The following STOX2 variants were observed in gnomAD, a reference collection of about 807,000 sequenced individuals.
STOX2 encodes storkhead-box protein 2.
A neutral mutation model predicts 60.9 loss-of-function variants in STOX2; 28 were observed. The ratio of observed to expected loss-of-function variants is 0.46; its 90% CI spans 0.34 to 0.63. The LOEUF is 0.63. Ranked by LOEUF, STOX2 falls within the 30% of genes least tolerant of loss-of-function variation. The pLI is 0.01. For missense variants in STOX2, 1,024 were observed against 1,187.7 expected (o/e 0.86, Z 2.03); for synonymous variants, 472 against 463.9 (o/e 1.02, Z -0.22).
intron 1 of STOX2, among the ~76,000 whole-genome samples, chr4:183,997,430 A>G (rs1388115603): frequency 6.6e-6 from 1 of 152,228 alleles, no homozygotes; most frequent in African/African-American, 2.4e-5. Context: ...GGGCCCGTGT[A>G]GGCCTACCAA....
At chr4:183,980,175 A>T (rs1056396108) in intron 1 of STOX2, among the ~76,000 whole-genome samples, 1 of 152,180 alleles carries the variant, frequency 6.6e-6, no homozygotes, top group East Asian at 1.9e-4. Context: ...CTAGCTTTAT[A>T]AACAAAAATG....
chr4:183,799,793 C>A (rs534652305), intron 1 of STOX2, among the ~76,000 whole-genome samples: 1 of 152,090 alleles, frequency 6.6e-6, no homozygotes, highest in Non-Finnish European at 1.5e-5. Flanking sequence ...TCATATTAAC[C>A]AAAGAGAAAT....
rs536297267 is a variant in STOX2, at chr4:183,841,179, G to T, written c.364+43124G>T. Among the ~76,000 whole-genome samples, 69 of 148,000 alleles carry T rather than the reference G, an allele frequency of 4.7e-4. 1 individual carries two copies. In the East Asian group the frequency reaches 5.9e-3, roughly 13 times the overall value. On this transcript the variant is annotated intron_variant, in intron 1 of 2. Transcript: ENST00000513034. ...CACGCCCGGTTCAGTTTTCATCGTA[G>T]TATTTATTTATTTATTTATTTATTT...
intron 1 of STOX2, among the ~76,000 whole-genome samples, chr4:183,801,167 C>T (rs191901818): frequency 6.6e-6 from 1 of 152,258 alleles, no homozygotes; most frequent in African/African-American, 2.4e-5. Context: ...GGGTGTTAAG[C>T]CACTCAAAGG....
chr4:183,818,711 G>C (rs1030717992), intron 1 of STOX2, among the ~76,000 whole-genome samples: 1 of 151,550 alleles, frequency 6.6e-6, no homozygotes. Context: ...CGGGGTAGCC[G>C]GCTGGGCGGG....
At chr4:183,812,085 C>T (rs1207348056) in intron 1 of STOX2, among the ~76,000 whole-genome samples, 1 of 152,086 alleles carries the variant, frequency 6.6e-6, no homozygotes, top group Non-Finnish European at 1.5e-5. Flanking sequence ...GCATATGCCG[C>T]CACACCCAAC....
intron 1 of STOX2, among the ~76,000 whole-genome samples, chr4:183,876,605 C>T (rs1223880297): frequency 6.6e-6 from 1 of 152,204 alleles, no homozygotes; most frequent in African/African-American, 2.4e-5. Context: ...TGCTGAGGCC[C>T]CACCTGTATG....
chr4:183,998,551 A>T (rs1318506022), intron 1 of STOX2, among the ~76,000 whole-genome samples: 2 of 152,088 alleles, frequency 1.3e-5, no homozygotes. Flanking sequence ...TTATGTGTTT[A>T]TTGATTTAGA....
chr4:183,856,908 G>A lies in STOX2; in HGVS notation c.364+58853G>A, dbSNP rs370902501. 6.6e-6 allele frequency among the ~76,000 whole-genome samples: 1 copy of A among 152,196 alleles called. No individual in the cohort carries two copies. The highest frequency in any genetic ancestry group is 2.4e-5 in the African/African-American group (1 of 41,442). Reference sequence around the variant, plus strand: ...TACTTTGGAAAGTCCTGGAGATTTGGTCTGTGGCATCTGACTGAGGAGAGA... The same window carrying A: ...TACTTTGGAAAGTCCTGGAGATTTGATCTGTGGCATCTGACTGAGGAGAGA... On this transcript the variant is annotated intron_variant, in intron 1 of 2. Coordinates refer to the STOX2 transcript ENST00000513034. This position sits in a 1 kb window ranked among gnomAD's most constrained non-coding sequence, Gnocchi z 4.0.
intron 1 of STOX2, among the ~76,000 whole-genome samples, chr4:183,936,105 G>A (rs1392714311): frequency 6.6e-6 from 1 of 152,112 alleles, no homozygotes; most frequent in African/African-American, 2.4e-5. Flanking sequence ...ATTTCAACAT[G>A]AAATCTTCAC....
intron 1 of STOX2, among the ~76,000 whole-genome samples, chr4:183,890,588 T>A (rs1405930080): frequency 2.4e-5 from 2 of 84,072 alleles, no homozygotes; most frequent in African/African-American, 8.4e-5. Flanking sequence ...GAGGGAGGGA[T>A]GATGGAGGGC....
intron 1 of STOX2, among the ~76,000 whole-genome samples, chr4:183,798,275 G>A (rs1738676005): frequency 6.6e-6 from 1 of 151,152 alleles, no homozygotes; most frequent in South Asian, 2.1e-4. Flanking sequence ...CATTCCCGGT[G>A]CGCCGCCCCC....
chr4:183,850,478 CA>C (rs1740091616), intron 1 of STOX2, among the ~76,000 whole-genome samples: 1 of 151,944 alleles, frequency 6.6e-6, no homozygotes, highest in South Asian at 2.1e-4. Flanking sequence ...CCTGTAATCC[CA>C]GCACTTTGGG....
At chr4:183,860,442 C>CAAAAAAAAAAAAAAAAAAAAAAAAA (rs35753992) in intron 1 of STOX2, among the ~76,000 whole-genome samples, 65 of 121,448 alleles carry the variant, frequency 5.4e-4, no homozygotes, top group Non-Finnish European at 7.2e-4. Flanking sequence ...AAACAAAAAA[C>CAAAAAAAAAAAAAAAAAAAAAAAAA]AAAAAAAAAA....
upstream of STOX2, among the ~76,000 whole-genome samples, chr4:183,901,097 C>A (rs12500137): frequency 0.045 from 6,793 of 152,228 alleles, 431 homozygotes; most frequent in African/African-American, 0.13. Context: ...TGGCCACCAC[C>A]ATTCTCCTTT....
chr4:184,012,733 A>G (rs1309420716), intron 3 of STOX2, among the ~76,000 whole-genome samples: 1 of 152,124 alleles, frequency 6.6e-6, no homozygotes, highest in Non-Finnish European at 1.5e-5. Context: ...CCCTCTCCCC[A>G]TCCCTCGAGG....
At position 184,010,930 on chromosome 4, in the gene STOX2, T is replaced by C; in HGVS notation, c.2092T>C (p.Phe698Leu). 6.2e-7 allele frequency: 1 copy of C among 1,613,480 alleles called. No homozygotes were observed. The highest frequency in any genetic ancestry group is 8.5e-7 in the Non-Finnish European group (1 of 1,179,650). The change falls in exon 3 of 4, where the codon TTT (phenylalanine) becomes CTT (leucine). Residue 698 changes from phenylalanine to leucine, a missense_variant. Physicochemically the swap from Phe to Leu is conservative, Grantham distance 22 (BLOSUM62 0). Coordinates refer to ENST00000308497, the MANE Select transcript of STOX2 (RefSeq NM_020225.3). The surrounding 1 kb of genome is among the most constrained non-coding windows in gnomAD (Gnocchi z 4.5). The stretch of plus-strand genomic sequence containing the variant: ...CAGCTTGGACAAGAGGAAAGAGATA[T>C]TTAGCAAAGACACACTGTTCAAACC... Reference protein sequence around the residue: ...PSSLDKRKEIFSKDTLFKPLH... With the variant: ...PSSLDKRKEILSKDTLFKPLH...
chr4:183,843,644 A>G (rs987507598), intron 1 of STOX2, among the ~76,000 whole-genome samples: 2 of 152,252 alleles, frequency 1.3e-5, no homozygotes, highest in Admixed American at 6.5e-5. Flanking sequence ...AGCTCTGTGC[A>G]TGCCAAAATT....
At chr4:183,963,179 G>A (rs1743460263) in intron 1 of STOX2, among the ~76,000 whole-genome samples, 1 of 152,072 alleles carries the variant, frequency 6.6e-6, no homozygotes, top group African/African-American at 2.4e-5. Context: ...GGATACACCT[G>A]GCTCTTTACT....
Sources: allele counts gnomAD v4.1 joint callset (sites outside exome capture counted in the v4.1 genomes callset), GRCh38; gene constraint gnomAD v4.1.1; non-coding constraint Gnocchi (gnomAD v3.1); transcripts MANE v1.5; gene names NCBI Gene and HGNC (gene_info 2026-07-23, HGNC 2026-07-21).